Variants in MAPK10 observed in about 807,000 individuals in gnomAD.
MAPK10 encodes mitogen-activated protein kinase 10.
In MAPK10, 25 loss-of-function variants were observed where a neutral mutation model predicts 59.3. The ratio of observed to expected loss-of-function variants is 0.42; its 90% CI spans 0.31 to 0.59. MAPK10 has a LOEUF of 0.59. Ranked by LOEUF, MAPK10 falls within the 20% of genes least tolerant of loss-of-function variation. MAPK10 has a pLI of 0.15. For missense variants in MAPK10, 351 were observed against 568.9 expected (o/e 0.62, Z 3.90); for synonymous variants, 190 against 200.5 (o/e 0.95, Z 0.44).
At chr4:86,491,658 G>A (rs1338180129) in intron 1 of MAPK10, among the ~76,000 whole-genome samples, 8 of 152,140 alleles carry the variant, frequency 5.3e-5, no homozygotes, top group African/African-American at 2.4e-5. Context: ...AGGTCCATTC[G>A]GGATATCAGT....
chr4:86,046,556 A>C (rs866160750), intron 11 of MAPK10, among the ~76,000 whole-genome samples: 2 of 152,196 alleles, frequency 1.3e-5, no homozygotes, highest in South Asian at 2.1e-4. Context: ...CATAGTAGAT[A>C]TCCAACAAGT....
At chr4:86,529,846 G>A (rs1757733538) in intron 1 of MAPK10, among the ~76,000 whole-genome samples, 1 of 152,156 alleles carries the variant, frequency 6.6e-6, no homozygotes, top group Non-Finnish European at 1.5e-5. Flanking sequence ...CTTAGCAGTA[G>A]TTACATGGCA....
intron 1 of MAPK10, among the ~76,000 whole-genome samples, chr4:86,481,868 T>C (rs1753640998): frequency 6.6e-6 from 1 of 152,202 alleles, no homozygotes; most frequent in African/African-American, 2.4e-5. Flanking sequence ...CTGGACTGCT[T>C]GATTTCTCTA....
intron 2 of MAPK10, chr4:86,327,805 C>CAAAAAAAAAAA (rs2096062262): frequency 2.5e-5 from 1 of 39,570 alleles, no homozygotes; most frequent in South Asian, 1.3e-3. Flanking sequence ...AAAAAAAAAG[C>CAAAAAAAAAAA]TGGGCATGGT....
At chr4:86,425,143 G>A (rs1335027317) in intron 1 of MAPK10, among the ~76,000 whole-genome samples, 2 of 152,082 alleles carry the variant, frequency 1.3e-5, no homozygotes, top group African/African-American at 2.4e-5. Flanking sequence ...ACATGTGGAG[G>A]GACTGACAAC....
intron 1 of MAPK10, among the ~76,000 whole-genome samples, chr4:86,471,046 G>A (rs1752612680): frequency 6.6e-6 from 1 of 152,148 alleles, no homozygotes; most frequent in East Asian, 1.9e-4. Context: ...TGACGTGGGT[G>A]GATCACAAGG....
intron 2 of MAPK10, among the ~76,000 whole-genome samples, chr4:86,306,488 C>G (rs1056538217): frequency 3.9e-5 from 6 of 152,184 alleles, no homozygotes; most frequent in South Asian, 2.1e-4. Context: ...AACAACTGCA[C>G]TAATGTGTTC....
upstream of MAPK10, among the ~76,000 whole-genome samples, chr4:86,455,233 A>G (rs1751128621): frequency 6.6e-6 from 1 of 152,138 alleles, no homozygotes; most frequent in South Asian, 2.1e-4. Context: ...ACAACAAAAA[A>G]AACAAGGTAT....
intron 2 of MAPK10, among the ~76,000 whole-genome samples, chr4:86,256,098 T>C (rs796676489): frequency 7.9e-5 from 12 of 152,364 alleles, no homozygotes; most frequent in Admixed American, 2.0e-4. Flanking sequence ...ACCTCATTTA[T>C]AGCAAGCACA....
intron 4 of MAPK10, among the ~76,000 whole-genome samples, chr4:86,147,134 T>C (rs1240756736): frequency 6.6e-6 from 1 of 152,120 alleles, no homozygotes; most frequent in Non-Finnish European, 1.5e-5. Flanking sequence ...TCAGCCAGGC[T>C]GGAGTGCAGT....
chr4:86,012,632 A>G lies in MAPK10; in HGVS notation c.*4596T>C, dbSNP rs76081879. On this transcript the variant is annotated 3_prime_UTR_variant, in exon 14 of 14. Coordinates refer to ENST00000641462, the MANE Select transcript of MAPK10 (RefSeq NM_138982.4). Reference sequence around the variant, plus strand: ...CTCTTGTTCCACAGACATTTTGAAAATAAAAGAAGACAAAATAGAAAGGAA... The same window carrying G: ...CTCTTGTTCCACAGACATTTTGAAAGTAAAAGAAGACAAAATAGAAAGGAA... 2.6e-5 allele frequency: 4 copies of G among 152,350 alleles called. No homozygotes were observed. The East Asian group carries it at 7.7e-4, about 29-fold the overall frequency. The allele number at this position is 152,350 out of a possible 1,614,324, so 9.4% of individuals were successfully genotyped here.
intron 2 of MAPK10, among the ~76,000 whole-genome samples, chr4:86,353,136 C>T (rs112126298): frequency 5.4e-5 from 8 of 147,320 alleles, no homozygotes; most frequent in East Asian, 4.2e-4. Flanking sequence ...CTACCACATC[C>T]GTGGTAGAGT....
upstream of MAPK10, among the ~76,000 whole-genome samples, chr4:86,363,899 C>T (rs1737402871): frequency 6.6e-6 from 1 of 151,324 alleles, no homozygotes; most frequent in South Asian, 2.1e-4. Context: ...CCTCCCAGCT[C>T]AGCCTCCTGA....
chr4:86,342,036 A>C (rs1208931472), intron 2 of MAPK10, among the ~76,000 whole-genome samples: 1 of 152,178 alleles, frequency 6.6e-6, no homozygotes, highest in African/African-American at 2.4e-5. Flanking sequence ...GAGTTTACCT[A>C]CTTGACCAAC....
intron 2 of MAPK10, among the ~76,000 whole-genome samples, chr4:86,347,754 T>C (rs1280316390): frequency 6.6e-6 from 1 of 152,142 alleles, no homozygotes; most frequent in East Asian, 1.9e-4. Context: ...GCTAGCTCTC[T>C]GGGGTCTCTT....
At chr4:86,240,475 G>A (rs1356559594) in intron 2 of MAPK10, among the ~76,000 whole-genome samples, 1 of 152,120 alleles carries the variant, frequency 6.6e-6, no homozygotes, top group African/African-American at 2.4e-5. Flanking sequence ...ATTATTGTGT[G>A]GGAGTCTAAG....
intron 1 of MAPK10, among the ~76,000 whole-genome samples, chr4:86,593,307 T>C (rs888063610): frequency 6.6e-6 from 1 of 152,204 alleles, no homozygotes; most frequent in Non-Finnish European, 1.5e-5. Context: ...ATTAAGGGTC[T>C]CAGACTAAAT....
At chr4:86,081,966 C>T (rs554472959) in intron 9 of MAPK10, 1 of 151,652 alleles carries the variant, frequency 6.6e-6, no homozygotes, top group African/African-American at 2.4e-5. Context: ...GACTGAAATA[C>T]TATTCAGCAA....
At chr4:86,034,632 A>T (rs1312978878) in intron 11 of MAPK10, among the ~76,000 whole-genome samples, 1 of 152,208 alleles carries the variant, frequency 6.6e-6, no homozygotes, top group African/African-American at 2.4e-5. Context: ...GACCACAAGG[A>T]GTTCACAATT....
Sources: allele counts gnomAD v4.1 joint callset (sites outside exome capture counted in the v4.1 genomes callset), GRCh38; gene constraint gnomAD v4.1.1; transcripts MANE v1.5; gene names NCBI Gene and HGNC (gene_info 2026-07-23, HGNC 2026-07-21).